Variants in USP43 observed in about 807,000 individuals in gnomAD.
USP43 encodes the protein ubiquitin specific peptidase 43.
Under a neutral mutation model 90.7 loss-of-function variants are expected in USP43, and 33 were observed. That is an observed-to-expected ratio of 0.36 (90% confidence interval 0.28 to 0.49). The LOEUF (loss-of-function observed/expected upper bound fraction) is 0.49, where lower values mean the gene tolerates loss of function less well. Ranked by LOEUF, USP43 falls within the 20% of genes least tolerant of loss-of-function variation. The pLI is 0.98. For missense variants in USP43, 1,274 were observed against 1,476.4 expected, an observed-to-expected ratio of 0.86 and a Z score of 2.25; for synonymous variants, 598 against 615.8, an observed-to-expected ratio of 0.97 and a Z score of 0.43.
intron 14 of USP43, among the ~76,000 whole-genome samples, chr17:9,726,335 C>A (rs1396513864): frequency 6.6e-6 from 1 of 152,156 alleles, no homozygotes; most frequent in Non-Finnish European, 1.5e-5. Flanking sequence ...TGACAGGGGG[C>A]TTTTTATGGC....
intron 3 of USP43, among the ~76,000 whole-genome samples, chr17:9,670,927 G>T (rs532503992): frequency 3.1e-4 from 47 of 152,310 alleles, no homozygotes; most frequent in South Asian, 6.2e-4. Flanking sequence ...TTCTGCAGTG[G>T]TCAGTGGGGG....
chr17:9,667,299 C>G (rs771470305), intron 3 of USP43, among the ~76,000 whole-genome samples: 12 of 152,012 alleles, frequency 7.9e-5, no homozygotes, highest in Non-Finnish European at 1.8e-4. Flanking sequence ...TGCTTGGACC[C>G]AGGAGGTCAA....
chr17:9,694,978 A>C (rs1388389985), intron 9 of USP43, among the ~76,000 whole-genome samples: 1 of 152,194 alleles, frequency 6.6e-6, no homozygotes, highest in African/African-American at 2.4e-5. Context: ...ACAAACCATC[A>C]AACTGGTCTT....
At chr17:9,665,347 A>C (rs1355343064) in intron 2 of USP43, among the ~76,000 whole-genome samples, 1 of 152,172 alleles carries the variant, frequency 6.6e-6, no homozygotes. Context: ...AAAGAGGTTT[A>C]ATTGACTCAC....
chr17:9,677,865 A>G (rs922822486), intron 5 of USP43, among the ~76,000 whole-genome samples: 5 of 152,220 alleles, frequency 3.3e-5, no homozygotes, highest in South Asian at 4.1e-4. Context: ...CTACATTCCT[A>G]TAACCTCCAC....
chr17:9,705,123 G>T, intron 12 of USP43, among the ~76,000 whole-genome samples: 1 of 151,902 alleles, frequency 6.6e-6, no homozygotes, highest in East Asian at 1.9e-4. Flanking sequence ...TCATTTCTAG[G>T]TAACCATTTT....
intron 3 of USP43, among the ~76,000 whole-genome samples, chr17:9,670,330 C>T (rs1248899369): frequency 6.6e-6 from 1 of 152,164 alleles, no homozygotes; most frequent in African/African-American, 2.4e-5. Context: ...TGAGCCACTG[C>T]ACCTGGCCCA....
chr17:9,693,129 C>T lies in USP43; in HGVS notation c.1356C>T (p.Asn452=), dbSNP rs548304905. The change falls in exon 9 of 15, where the codon AAC becomes AAT. Residue 452 remains asparagine, a splice_region_variant and synonymous_variant. Coordinates refer to ENST00000285199, the MANE Select transcript of USP43 (RefSeq NM_153210.5). ...HLMKSEAPVQ[N]LGSLFSIRVV... ...CATGTCTGTTTTTGTCTTCGCAGAA[C>T]CTGGGGTCTCTGTTCTCCATCCGTG... 6 of 1,613,352 alleles carry T rather than the reference C, an allele frequency of 3.7e-6. No individual in the cohort carries two copies. The East Asian group carries it at 1.3e-4, about 36-fold the overall frequency.
At chr17:9,725,471 TG>T (rs1158423046) in intron 14 of USP43, among the ~76,000 whole-genome samples, 2 of 152,098 alleles carry the variant, frequency 1.3e-5, no homozygotes, top group Non-Finnish European at 2.9e-5. Flanking sequence ...GAAGTGACTT[TG>T]TAGAGAGGAA....
At chr17:9,654,929 G>A (rs933097681) in intron 1 of USP43, among the ~76,000 whole-genome samples, 1 of 151,586 alleles carries the variant, frequency 6.6e-6, no homozygotes, top group Non-Finnish European at 1.5e-5. Context: ...GTATAGGCAG[G>A]GTTTCACTAT....
intron 2 of USP43, 93 bp from the exon 3 acceptor site, chr17:9,666,555 G>A (rs545731263): frequency 1.7e-5 from 17 of 989,520 alleles, no homozygotes; most frequent in South Asian, 1.5e-4. Flanking sequence ...GGGATGATGC[G>A]GGCCCAGGAG....
chr17:9,695,580 A>G (rs1915209595), intron 9 of USP43, among the ~76,000 whole-genome samples: 1 of 151,886 alleles, frequency 6.6e-6, no homozygotes, highest in African/African-American at 2.4e-5. Context: ...TGATCCACCC[A>G]CCTCAGCCTC....
At chr17:9,712,467 G>C (rs969379597) in intron 14 of USP43, among the ~76,000 whole-genome samples, 5 of 152,212 alleles carry the variant, frequency 3.3e-5, no homozygotes, top group African/African-American at 1.2e-4. Flanking sequence ...GAGGGAGGGT[G>C]CACAGGGCCC....
chr17:9,710,899 T>A (rs774779172), intron 13 of USP43, among the ~76,000 whole-genome samples: 1 of 150,838 alleles, frequency 6.6e-6, no homozygotes, highest in Non-Finnish European at 1.5e-5. Flanking sequence ...GCAAACCAAC[T>A]GTCCTTATCT....
At chr17:9,670,572 G>A (rs993580679) in intron 3 of USP43, among the ~76,000 whole-genome samples, 2 of 152,136 alleles carry the variant, frequency 1.3e-5, no homozygotes, top group African/African-American at 4.8e-5. Context: ...GGGGTGAGGG[G>A]TAGAGGAACT....
At chr17:9,721,610 A>G (rs1234762528) in intron 14 of USP43, among the ~76,000 whole-genome samples, 18 of 151,992 alleles carry the variant, frequency 1.2e-4, no homozygotes, top group Admixed American at 1.2e-3. Flanking sequence ...TATCATAACT[A>G]TTAAATTAGG....
chr17:9,653,941 G>A (rs746519433), intron 1 of USP43, among the ~76,000 whole-genome samples: 2 of 152,180 alleles, frequency 1.3e-5, no homozygotes, highest in Admixed American at 6.5e-5. Flanking sequence ...TTCTATAGGG[G>A]AAGGGTAGAG....
intron 8 of USP43, among the ~76,000 whole-genome samples, chr17:9,692,024 A>C (rs969396438): frequency 1.3e-5 from 2 of 151,854 alleles, no homozygotes; most frequent in African/African-American, 4.8e-5. Flanking sequence ...CCTGGGCGAC[A>C]GAGCGAGACT....
chr17:9,693,357 A>C lies in USP43; in HGVS notation c.1457+127A>C, dbSNP rs921891279. On this transcript the variant is annotated intron_variant, in intron 9 of 14. Coordinates refer to ENST00000285199, the MANE Select transcript of USP43 (RefSeq NM_153210.5). ...ATTCTTGATCACTTACCTCTCCAGTACCAGCCGCTATGTTAGGTCATTGGG... is the reference window on the plus strand; with the variant it reads ...ATTCTTGATCACTTACCTCTCCAGTCCCAGCCGCTATGTTAGGTCATTGGG... The C allele has an allele frequency of 3.0e-4, 227 of 757,864 alleles. 1 individual carries two copies. The highest frequency in any genetic ancestry group is 1.1e-5 in the Non-Finnish European group (5 of 462,202). 46.9% of individuals were successfully genotyped at this position (757,864 alleles called of 1,614,324 possible).
Sources: gnomAD v4.1 joint callset for allele counts (sites outside exome capture counted in the v4.1 genomes callset) on GRCh38, gnomAD v4.1.1 for gene constraint, MANE v1.5 for transcripts, NCBI Gene and HGNC (gene_info 2026-07-23, HGNC 2026-07-21) for gene names.